TDRD12: variants seen among roughly 807,000 people sequenced by gnomAD.
The protein encoded by TDRD12 is putative ATP-dependent RNA helicase TDRD12.
TDRD12 carries 158 observed loss-of-function variants against 133.5 expected under a neutral mutation model. The ratio of observed to expected loss-of-function variants is 1.18; its 90% CI spans 1.04 to 1.35. The LOEUF (loss-of-function observed/expected upper bound fraction) is 1.35, where lower values mean the gene tolerates loss of function less well. Ranked by LOEUF, TDRD12 falls within the 40% of genes most tolerant of loss-of-function variation. TDRD12 has a pLI of 0.00. For synonymous variants in TDRD12, 460 were observed against 477.9 expected (o/e 0.96, Z 0.49); for missense variants, 1,443 against 1,321.3 (o/e 1.09, Z -1.43).
intron 12 of TDRD12, 146 bp downstream of exon 12, chr19:32,790,737 C>A: frequency 1.3e-6 from 2 of 1,535,958 alleles, no homozygotes; most frequent in African/African-American, 1.4e-5. Flanking sequence ...CTTTTAGAAA[C>A]GATCGAATGG....
chr19:32,789,134 G>A (rs1284766322), intron 11 of TDRD12, among the ~76,000 whole-genome samples: 1 of 152,176 alleles, frequency 6.6e-6, no homozygotes, highest in Non-Finnish European at 1.5e-5. Context: ...CCACATTGCT[G>A]CAGCCAGGGA....
In TDRD12 at chr19:32,746,196, G is replaced by C. The variant is rs185624115; in HGVS notation, c.441-2280G>C. On this transcript the variant is annotated intron_variant, in intron 4 of 27. Coordinates refer to ENST00000444215, the Ensembl canonical transcript of TDRD12. ...TGTGAGAGAGACGGGGAGACTGGCTGATGTGGTTATTCTGTGTGTGAGAGA... is the reference window on the plus strand; with the variant it reads ...TGTGAGAGAGACGGGGAGACTGGCTCATGTGGTTATTCTGTGTGTGAGAGA... Among the ~76,000 whole-genome samples, 806 of 148,262 alleles carry C rather than the reference G, an allele frequency of 5.4e-3. 9 individuals are homozygous for C. Among genetic ancestry groups the C allele is most frequent in the Middle Eastern group, 0.019 (5 of 270 alleles).
chr19:32,746,652 G>T (rs866675964), intron 4 of TDRD12, among the ~76,000 whole-genome samples: 2 of 148,840 alleles, frequency 1.3e-5, no homozygotes, highest in Admixed American at 6.7e-5. Context: ...GTTATTCTGT[G>T]TGTGACAGAG....
chr19:32,803,075 G>A (rs1256085243), exon 21 of TDRD12: 2 of 1,535,788 alleles, frequency 1.3e-6, no homozygotes, highest in Non-Finnish European at 1.7e-6. Context: ...AGGAGTTCTG[G>A]AAGCCAAAGA....
At chr19:32,797,196 G>C (rs1281762415) in intron 14 of TDRD12, among the ~76,000 whole-genome samples, 1 of 151,960 alleles carries the variant, frequency 6.6e-6, no homozygotes, top group Non-Finnish European at 1.5e-5. Flanking sequence ...GGTCAGGCTG[G>C]TCTCACACTC....
At chr19:32,815,279 A>G (rs888053612) in intron 25 of TDRD12, among the ~76,000 whole-genome samples, 169 bp from the exon 26 acceptor site, 3 of 152,362 alleles carry the variant, frequency 2.0e-5, no homozygotes, top group East Asian at 1.9e-4. Context: ...AACCTCAGGT[A>G]GGAAGCAATC....
At chr19:32,744,377 G>A (rs940526447) in intron 4 of TDRD12, among the ~76,000 whole-genome samples, 1 of 151,692 alleles carries the variant, frequency 6.6e-6, no homozygotes, top group African/African-American at 2.4e-5. Flanking sequence ...GTACGCGCCT[G>A]TAATCCCAGC....
chr19:32,772,118 T>G (rs1309039994), intron 8 of TDRD12, among the ~76,000 whole-genome samples: 1 of 152,110 alleles, frequency 6.6e-6, no homozygotes, highest in Non-Finnish European at 1.5e-5. Flanking sequence ...AGGGCTGGCA[T>G]TAACTAAGTG....
At chr19:32,777,847 ATATATATATATTTTTTTTT>A (rs1970646110) in intron 11 of TDRD12, among the ~76,000 whole-genome samples, 1 of 14,520 alleles carries the variant, frequency 6.9e-5, no homozygotes, top group African/African-American at 3.0e-4. Flanking sequence ...ATATATATAT[ATATATATATATTTTTTTTT>A]TTTTTTTTTT....
At chr19:32,742,894 A>T (rs1175283314) in exon 4 of TDRD12, 3 of 1,551,492 alleles carry the variant, frequency 1.9e-6, no homozygotes, top group Non-Finnish European at 2.6e-6. Context: ...GACAGTACTG[A>T]CATTGTGTAA....
At chr19:32,757,315 T>C (rs1214476218) in intron 8 of TDRD12, among the ~76,000 whole-genome samples, 185 bp downstream of exon 8, 1 of 152,152 alleles carries the variant, frequency 6.6e-6, no homozygotes, top group Non-Finnish European at 1.5e-5. Context: ...ACTTAGAAAT[T>C]TTACTGTCAC....
chr19:32,767,551 T>A (rs1373592171), intron 8 of TDRD12, among the ~76,000 whole-genome samples: 2 of 152,250 alleles, frequency 1.3e-5, no homozygotes, highest in Non-Finnish European at 2.9e-5. Flanking sequence ...TAACATGTCA[T>A]AAGCGTGCAG....
At chr19:32,773,585 C>G (rs1970497648) in intron 10 of TDRD12, 53 bp downstream of exon 10, 8 of 1,492,506 alleles carry the variant, frequency 5.4e-6, no homozygotes, top group Middle Eastern at 3.5e-4. Flanking sequence ...GTAGTCCCAG[C>G]TACTGGGGAG....
chr19:32,737,065 A>G (rs1413766112), intron 2 of TDRD12, among the ~76,000 whole-genome samples: 3 of 152,174 alleles, frequency 2.0e-5, no homozygotes, highest in African/African-American at 7.2e-5. Flanking sequence ...TTTTGTAGTA[A>G]AGTTTAAATA....
intron 1 of TDRD12, among the ~76,000 whole-genome samples, chr19:32,729,805 T>TC (rs1968988905): frequency 7.2e-6 from 1 of 139,566 alleles, no homozygotes; most frequent in Non-Finnish European, 1.5e-5. Context: ...TTTTTTTTTT[T>TC]TGTGAGATGG....
At chr19:32,804,459 C>T (rs557132981) in intron 21 of TDRD12, among the ~76,000 whole-genome samples, 6 of 150,072 alleles carry the variant, frequency 4.0e-5, no homozygotes, top group African/African-American at 1.5e-4. Flanking sequence ...TTCGGGAGGC[C>T]GAGGCAGGCA....
chr19:32,781,911 C>T (rs1345042563), intron 11 of TDRD12, among the ~76,000 whole-genome samples: 1 of 151,972 alleles, frequency 6.6e-6, no homozygotes, highest in Non-Finnish European at 1.5e-5. Context: ...TTAAGAACCT[C>T]TGTGACTCGT....
chr19:32,820,250 A>T (rs1442260935), intron 27 of TDRD12, among the ~76,000 whole-genome samples: 3 of 151,994 alleles, frequency 2.0e-5, no homozygotes, highest in Non-Finnish European at 4.4e-5. Flanking sequence ...AGAAGACAGC[A>T]CACCCCTCCT....
chr19:32,783,808 A>T (rs1293769390), intron 11 of TDRD12, among the ~76,000 whole-genome samples: 1 of 152,100 alleles, frequency 6.6e-6, no homozygotes, highest in African/African-American at 2.4e-5. Flanking sequence ...TTACACATTG[A>T]TTTTATATCC....
Sources: gnomAD v4.1 joint callset for allele counts (sites outside exome capture counted in the v4.1 genomes callset) on GRCh38, gnomAD v4.1.1 for gene constraint, MANE v1.5 for transcripts, NCBI Gene and HGNC (gene_info 2026-07-23, HGNC 2026-07-21) for gene names.